ANKRD30A: variants seen among roughly 807,000 people sequenced by gnomAD.
ANKRD30A encodes ankyrin repeat domain 30A, also known as ankyrin repeat domain-containing protein 30A.
In ANKRD30A, 170 loss-of-function variants were observed where a neutral mutation model predicts 166.3. That is an observed-to-expected ratio of 1.02 (90% CI 0.90 to 1.16). ANKRD30A has a LOEUF of 1.16. Among genes scored for constraint, ANKRD30A ranks in the 50% most tolerant of loss-of-function variants. ANKRD30A has a pLI of 0.00. For missense variants in ANKRD30A, 1,630 were observed against 1,518.0 expected, an observed-to-expected ratio of 1.07 and a Z score of -1.23; for synonymous variants, 564 against 508.9, an observed-to-expected ratio of 1.11 and a Z score of -1.46.
rs1366749865 is a variant in ANKRD30A at position 37,172,412 on chromosome 10, A to G, written c.2258-1300A>G. On this transcript the variant is annotated intron_variant, in intron 21 of 35. Transcript: ENST00000361713. ...ATGCTTTTAGCCAGAGAAGAAGAAG[A>G]AAAAGATAAACAGAAATTATAGATT... Among the ~76,000 whole-genome samples, 12 of 122,334 alleles carry G rather than the reference A, an allele frequency of 9.8e-5. No individual in the cohort carries two copies. The South Asian group carries it at 1.7e-3, about 18-fold the overall frequency. The allele number at this position is 122,334 out of a possible 152,430, so 80.3% of individuals were successfully genotyped here. A position where few individuals can be genotyped will look rare whatever the true frequency, so the allele number is the denominator to read the frequency against.
At chr10:37,246,138 A>G in the ANKRD30A span, among the ~76,000 whole-genome samples, 1 of 152,214 alleles carries the variant, frequency 6.6e-6, no homozygotes, top group Non-Finnish European at 1.5e-5. Context: ...AGGTGCAAAA[A>G]TCACTGGAGC....
At chr10:37,128,392 T>G (rs1836176225) in intron 1 of ANKRD30A, among the ~76,000 whole-genome samples, 1 of 151,998 alleles carries the variant, frequency 6.6e-6, no homozygotes, top group African/African-American at 2.4e-5. Context: ...TTTTGTGGAT[T>G]AGTATATTCT....
chr10:37,139,834 A>G (rs533936682), intron 6 of ANKRD30A, among the ~76,000 whole-genome samples: 5 of 152,284 alleles, frequency 3.3e-5, no homozygotes, highest in South Asian at 2.1e-4. Flanking sequence ...CATTTAGTAA[A>G]TGAGAATTAA....
At chr10:37,258,827 G>A in the ANKRD30A span, among the ~76,000 whole-genome samples, 4 of 151,650 alleles carry the variant, frequency 2.6e-5, no homozygotes, top group South Asian at 4.2e-4. Flanking sequence ...GCCAGGCATG[G>A]TGGTGGACAC....
chr10:37,204,505 CATA>C (rs1393095218), intron 31 of ANKRD30A, among the ~76,000 whole-genome samples: 1 of 152,036 alleles, frequency 6.6e-6, no homozygotes, highest in Non-Finnish European at 1.5e-5. Context: ...GACCTAAAAC[CATA>C]AAAACCCTAG....
intron 7 of ANKRD30A, 62 bp from the exon 8 acceptor site, chr10:37,144,933 T>A: frequency 7.2e-6 from 9 of 1,243,836 alleles, no homozygotes; most frequent in Non-Finnish European, 9.1e-6. Flanking sequence ...GATTTGTATA[T>A]GTTTTAAAAA....
the ANKRD30A span, among the ~76,000 whole-genome samples, chr10:37,252,526 C>T: frequency 6.6e-6 from 1 of 152,132 alleles, no homozygotes; most frequent in East Asian, 1.9e-4. Flanking sequence ...TTACTGTTCA[C>T]CATAATTCTC....
chr10:37,204,148 A>G (rs899261390), intron 31 of ANKRD30A, among the ~76,000 whole-genome samples: 10 of 152,218 alleles, frequency 6.6e-5, no homozygotes, highest in Admixed American at 2.0e-4. Flanking sequence ...TTTAAAGTTC[A>G]TATGGAACCA....
chr10:37,221,043 C>T (rs529456700), intron 34 of ANKRD30A, among the ~76,000 whole-genome samples: 3 of 126,900 alleles, frequency 2.4e-5, no homozygotes, highest in Admixed American at 8.3e-5. Context: ...GTCCTTCCCA[C>T]ATTTTTTTTT....
At chr10:37,263,955 T>C in the ANKRD30A span, among the ~76,000 whole-genome samples, 2 of 152,176 alleles carry the variant, frequency 1.3e-5, no homozygotes, top group African/African-American at 4.8e-5. Context: ...ATGGATTAGA[T>C]TGTGAGTTGT....
rs371663598 is a variant in ANKRD30A at position 37,201,295 on chromosome 10, G to A, written c.2839G>A (p.Glu947Lys). The change falls in exon 31 of 36, where the codon GAA becomes AAA. Residue 947 changes from glutamate to lysine, a missense_variant. Physicochemically the swap from Glu to Lys is moderately conservative, Grantham distance 56. This residue lies in a region of ANKRD30A where 712 missense variants were observed against 629.3 expected (regional missense o/e 1.13). Coordinates refer to ENST00000361713, the MANE Select transcript of ANKRD30A (RefSeq NM_052997.3). ...VCVPKATHQK[E>K]MDKISGKLED... ...TGTACCCAAGGCTACACATCAAAAA[G>A]AAATGGATAAAATAAGTGGAAAATT... The A allele has an allele frequency of 3.5e-4, 550 of 1,593,014 alleles. No homozygotes were observed. Among genetic ancestry groups the A allele is most frequent in the Non-Finnish European group, 4.4e-4 (520 of 1,171,104 alleles).
At chr10:37,216,060 C>G (rs1564582343) in intron 31 of ANKRD30A, 121 bp from the exon 32 acceptor site, 8 of 590,228 alleles carry the variant, frequency 1.4e-5, no homozygotes, top group South Asian at 1.2e-4. Flanking sequence ...TAGTATAATG[C>G]CTTCCACGTG....
At chr10:37,221,930 C>T (rs1470934419) in intron 34 of ANKRD30A, among the ~76,000 whole-genome samples, 1 of 151,312 alleles carries the variant, frequency 6.6e-6, no homozygotes, top group Non-Finnish European at 1.5e-5. Flanking sequence ...GGTTAATATA[C>T]ACAGTATTAG....
intron 15 of ANKRD30A, 107 bp downstream of exon 15, chr10:37,158,693 G>T: frequency 1.4e-6 from 2 of 1,465,874 alleles, no homozygotes; most frequent in South Asian, 1.3e-5. Context: ...AAATTTGATG[G>T]GATATTTTGA....
intron 30 of ANKRD30A, among the ~76,000 whole-genome samples, chr10:37,200,922 G>A (rs766286742): frequency 6.6e-6 from 1 of 151,954 alleles, no homozygotes; most frequent in Non-Finnish European, 1.5e-5. Flanking sequence ...TGTTGAGGAC[G>A]ACAACATGTT....
chr10:37,131,721 A>G (rs1166011084), intron 3 of ANKRD30A, among the ~76,000 whole-genome samples: 1 of 152,200 alleles, frequency 6.6e-6, no homozygotes, highest in Admixed American at 6.5e-5. Context: ...TATATTGTCA[A>G]ATAAGGAATA....
intron 34 of ANKRD30A, among the ~76,000 whole-genome samples, chr10:37,229,698 C>T (rs1185678533): frequency 6.6e-6 from 1 of 151,912 alleles, no homozygotes. Flanking sequence ...CTTTCTGAAT[C>T]ACTGACTTAT....
At chr10:37,183,332 T>C (rs1840161472) in intron 24 of ANKRD30A, among the ~76,000 whole-genome samples, 1 of 144,990 alleles carries the variant, frequency 6.9e-6, no homozygotes, top group South Asian at 2.3e-4. Flanking sequence ...GGAAAAACAT[T>C]ATGTGAACTA....
intron 13 of ANKRD30A, 116 bp downstream of exon 13, chr10:37,153,778 A>C (rs1033132778): frequency 5.0e-6 from 7 of 1,397,656 alleles, no homozygotes; most frequent in African/African-American, 1.5e-5. Flanking sequence ...CCATGGAAAA[A>C]AAGAGAAGTG....
Sources: allele counts gnomAD v4.1 joint callset (sites outside exome capture counted in the v4.1 genomes callset), GRCh38; gene constraint gnomAD v4.1.1; regional missense constraint gnomAD v4.1.1; transcripts MANE v1.5; gene names NCBI Gene and HGNC (gene_info 2026-07-23, HGNC 2026-07-21).